The following STK39 variants were observed in gnomAD, a reference collection of about 807,000 sequenced individuals.
STK39 encodes STE20/SPS1-related proline-alanine-rich protein kinase.
STK39 carries 20 observed loss-of-function variants against 77.8 expected under a neutral mutation model. That is an observed-to-expected ratio of 0.26 (90% CI 0.18 to 0.37). The LOEUF is 0.37. STK39 is among the 10% of genes least tolerant of loss of function. The pLI, the probability that STK39 is intolerant of heterozygous loss-of-function variation, is 1.00. For synonymous variants in STK39, 246 were observed against 234.1 expected, an observed-to-expected ratio of 1.05 and a Z score of -0.47; for missense variants, 479 against 656.5, an observed-to-expected ratio of 0.73 and a Z score of 2.95.
At chr2:168,183,897 C>T (rs985828611) in intron 1 of STK39, among the ~76,000 whole-genome samples, 1 of 152,172 alleles carries the variant, frequency 6.6e-6, no homozygotes, top group Non-Finnish European at 1.5e-5. Context: ...TTCCAGTCTC[C>T]GGAACAAGAC....
chr2:168,027,353 TC>T (rs1684724868), intron 14 of STK39, among the ~76,000 whole-genome samples: 1 of 152,142 alleles, frequency 6.6e-6, no homozygotes, highest in African/African-American at 2.4e-5. Flanking sequence ...GTCTTTTGGA[TC>T]AGTGAGTCTT....
At chr2:168,192,815 A>G (rs1689373803) in intron 1 of STK39, among the ~76,000 whole-genome samples, 2 of 152,324 alleles carry the variant, frequency 1.3e-5, no homozygotes, top group Middle Eastern at 3.4e-3. Context: ...AGACACCTGG[A>G]TAGAAACTAG....
At chr2:168,088,063 G>GA (rs5836170) in intron 10 of STK39, among the ~76,000 whole-genome samples, 65,619 of 151,790 alleles carry the variant, frequency 0.43, 15,742 homozygotes, top group South Asian at 0.55. Flanking sequence ...AATGACCCGA[G>GA]AAAAAACCTG....
At chr2:167,971,015 A>G (rs1692327170) in intron 16 of STK39, among the ~76,000 whole-genome samples, 1 of 152,214 alleles carries the variant, frequency 6.6e-6, no homozygotes, top group Admixed American at 6.5e-5. Context: ...AATTTGGCTG[A>G]AGTTTTTCTT....
chr2:168,012,525 T>C, intron 16 of STK39, 109 bp downstream of exon 16: 1 of 835,538 alleles, frequency 1.2e-6, no homozygotes, highest in Non-Finnish European at 1.9e-6. Flanking sequence ...TCAAGAAGAA[T>C]TCTTCAAATA....
chr2:168,217,444 T>C (rs1438777236), intron 1 of STK39, among the ~76,000 whole-genome samples: 1 of 152,102 alleles, frequency 6.6e-6, no homozygotes, highest in African/African-American at 2.4e-5. Context: ...TCTGGAAAAA[T>C]CAAAGAATCA....
rs59354205 is a variant in STK39 at position 168,018,053 on chromosome 2, T to G, written c.1377-958A>C. ...GGGAGATATTAAATACATAAATATC[T>G]GAGACACAAGTTTTCCATTCAAATT... On this transcript the variant is annotated intron_variant, in intron 14 of 17. Transcript: ENST00000355999. 4.6e-3 allele frequency among the ~76,000 whole-genome samples: 701 copies of G among 152,302 alleles called. 5 individuals are homozygous for G. Among genetic ancestry groups the G allele is most frequent in the East Asian group, 0.037 (191 of 5,194 alleles).
chr2:167,972,820 A>G (rs1203799037), intron 16 of STK39, among the ~76,000 whole-genome samples: 2 of 152,132 alleles, frequency 1.3e-5, no homozygotes, highest in Admixed American at 1.3e-4. Flanking sequence ...TCCTCATGGA[A>G]CCCCAGGAAT....
At chr2:168,085,149 TA>T (rs1686332506) in intron 10 of STK39, among the ~76,000 whole-genome samples, 2 of 152,032 alleles carry the variant, frequency 1.3e-5, no homozygotes, top group Admixed American at 6.5e-5. Flanking sequence ...GAATACAAAA[TA>T]AAAAGAGGCC....
intron 1 of STK39, among the ~76,000 whole-genome samples, chr2:168,220,794 G>A (rs140242725): frequency 5.3e-5 from 8 of 152,238 alleles, no homozygotes; most frequent in African/African-American, 1.7e-4. Flanking sequence ...ACATGTGTCC[G>A]ACTGAGGAGA....
chr2:168,075,275 G>T, intron 10 of STK39, 44 bp from the exon 11 acceptor site: 1 of 1,609,370 alleles, frequency 6.2e-7, no homozygotes, highest in South Asian at 1.1e-5. Flanking sequence ...AGTCAAATGT[G>T]AACCATTTCA....
chr2:168,216,597 G>A (rs907967018), intron 1 of STK39, among the ~76,000 whole-genome samples: 11 of 152,164 alleles, frequency 7.2e-5, no homozygotes, highest in African/African-American at 9.7e-5. Context: ...TTTCAGTGAC[G>A]TGAGTCATCT....
chr2:168,120,357 C>G (rs1055679226), intron 10 of STK39, among the ~76,000 whole-genome samples: 1 of 152,204 alleles, frequency 6.6e-6, no homozygotes, highest in Non-Finnish European at 1.5e-5. Flanking sequence ...TGACCTTTCC[C>G]GTAGCTGTAG....
intron 1 of STK39, among the ~76,000 whole-genome samples, chr2:168,211,718 G>A (rs1349370539): frequency 1.3e-5 from 2 of 152,192 alleles, no homozygotes; most frequent in Non-Finnish European, 2.9e-5. Context: ...GCTCATGAGA[G>A]GAATCTGTAC....
At chr2:168,070,708 T>C (rs1463771326) in intron 12 of STK39, among the ~76,000 whole-genome samples, 3 of 151,878 alleles carry the variant, frequency 2.0e-5, no homozygotes, top group African/African-American at 7.3e-5. Flanking sequence ...TGGTTCTCTG[T>C]CCTTGCGATA....
chr2:168,234,136 G>A (rs1240480056), intron 1 of STK39, among the ~76,000 whole-genome samples: 2 of 152,170 alleles, frequency 1.3e-5, no homozygotes, highest in African/African-American at 4.8e-5. Context: ...ACCTTTGCAT[G>A]TTATTAAAAG....
intron 1 of STK39, among the ~76,000 whole-genome samples, chr2:168,194,704 G>T (rs1318920558): frequency 6.6e-6 from 1 of 152,010 alleles, no homozygotes; most frequent in Non-Finnish European, 1.5e-5. Context: ...AAACATTATG[G>T]GTAAAGATAT....
intron 1 of STK39, among the ~76,000 whole-genome samples, chr2:168,205,191 A>C (rs1177141333): frequency 6.6e-6 from 1 of 152,216 alleles, no homozygotes; most frequent in Non-Finnish European, 1.5e-5. Flanking sequence ...AAAATGTTGA[A>C]AGCAATTTTT....
chr2:168,018,819 ATTTTG>A (rs2105323036), intron 14 of STK39, among the ~76,000 whole-genome samples: 1 of 152,172 alleles, frequency 6.6e-6, no homozygotes, highest in African/African-American at 2.4e-5. Flanking sequence ...CCACAGCCTG[ATTTTG>A]GTTCTTTATG....
Sources: allele counts gnomAD v4.1 joint callset (sites outside exome capture counted in the v4.1 genomes callset), GRCh38; gene constraint gnomAD v4.1.1; transcripts MANE v1.5; gene names NCBI Gene and HGNC (gene_info 2026-07-23, HGNC 2026-07-21).